The following SERTAD4 variants were observed in gnomAD, a reference collection of about 807,000 sequenced individuals.
SERTAD4 encodes the protein SERTA domain-containing protein 4.
SERTAD4 carries 18 observed loss-of-function variants against 32.9 expected under a neutral mutation model. That is an observed-to-expected ratio of 0.55 (90% confidence interval 0.38 to 0.81). The LOEUF (loss-of-function observed/expected upper bound fraction) is 0.81. Among genes scored for constraint, SERTAD4 ranks in the 30% least tolerant of loss-of-function variants. The probability of loss-of-function intolerance (pLI) is 0.00; values close to 1 mark genes in which losing one functional copy is unlikely to be tolerated. For missense variants in SERTAD4, 383 were observed against 426.0 expected (o/e 0.90, Z 0.89); for synonymous variants, 150 against 156.4 (o/e 0.96, Z 0.30).
intron 1 of SERTAD4, among the ~76,000 whole-genome samples, chr1:210,234,358 C>G (rs1337910015): frequency 6.6e-6 from 1 of 152,226 alleles, no homozygotes; most frequent in African/African-American, 2.4e-5. Flanking sequence ...GCTCTTTAGG[C>G]CCAGCACCTG....
At chr1:210,236,984 A>C (rs77997573) in intron 1 of SERTAD4, among the ~76,000 whole-genome samples, 4,799 of 152,272 alleles carry the variant, frequency 0.032, 276 homozygotes, top group African/African-American at 0.11. Context: ...TGAGCTATCG[A>C]GGGGCCCAGG....
Position 210,236,338 on chromosome 1 carries a change from C to T in SERTAD4, c.-17-1606C>T, listed in dbSNP as rs974513278. On this transcript the variant is annotated intron_variant, in intron 1 of 3. Transcript: ENST00000367012. ...AGAACGGGGAGGTGTTGTAGCAGCC[C>T]AAACCAGCTGAGTCCTAATTCTCTC... Among the ~76,000 whole-genome samples, 3 of 152,168 alleles carry T rather than the reference C, an allele frequency of 2.0e-5. No individual in the cohort carries two copies. In the South Asian group the frequency reaches 6.2e-4, roughly 31 times the overall value.
chr1:210,233,614 G>C, intron 1 of SERTAD4: 1 of 455,448 alleles, frequency 2.2e-6, no homozygotes, highest in Non-Finnish European at 4.5e-6. Context: ...GGCGGCGGCG[G>C]CTCCTCTGTC....
At chr1:210,233,904 C>T (rs774169773) in intron 1 of SERTAD4, 2 of 444,572 alleles carry the variant, frequency 4.5e-6, no homozygotes, top group African/African-American at 2.1e-5. Context: ...GGGCCAGCCC[C>T]GCCAGAGCCC....
chr1:210,236,479 G>GC (rs2083941437), intron 1 of SERTAD4, among the ~76,000 whole-genome samples: 5 of 152,184 alleles, frequency 3.3e-5, no homozygotes, highest in African/African-American at 1.2e-4. Flanking sequence ...AGTCATTGCT[G>GC]CCAAGAGCTG....
downstream of SERTAD4, chr1:210,246,523 A>G: frequency 2.1e-6 from 2 of 956,528 alleles, no homozygotes; most frequent in Non-Finnish European, 2.5e-6. Context: ...TTAATAAAAC[A>G]TGCTGTTTAA....
In SERTAD4 at chr1:210,239,606, A is replaced by G. The variant is rs375798387; in HGVS notation, c.289A>G (p.Lys97Glu). 3 of 1,554,126 alleles carry G rather than the reference A, an allele frequency of 1.9e-6. No homozygotes were observed. Among genetic ancestry groups the G allele is most frequent in the East Asian group, 2.3e-5 (1 of 44,296 alleles). ...FHPPLSSCSH[K>E]TISIFEERAH... ...CCCACCACTCAGCAGCTGTAGCCAT[A>G]AAGTATGTTTTTTTAATAGTCATTA... Residue 97 changes from lysine to glutamate, a missense_variant and splice_region_variant, in exon 3 of 4, where the codon AAA (lysine) becomes GAA (glutamate). By Grantham distance (56) the Lys-to-Glu change is moderately conservative. Transcript: ENST00000367012.
chr1:210,239,927 A>G (rs762580636), intron 3 of SERTAD4, among the ~76,000 whole-genome samples: 7 of 152,164 alleles, frequency 4.6e-5, no homozygotes, highest in Non-Finnish European at 7.4e-5. Context: ...TGTGTGGGGA[A>G]TGCGCTCGTT....
In SERTAD4 at chr1:210,244,545, G is replaced by A. The variant is rs1024157900; in HGVS notation, c.*2208G>A. On this transcript the variant is annotated 3_prime_UTR_variant, in exon 4 of 4. Coordinates refer to ENST00000367012, the MANE Select transcript of SERTAD4 (RefSeq NM_019605.5). ...CAATTCCATATTAATGTTCTTAGGA[G>A]CTAATATTTGATAAAGGGGAAAGCT... is the stretch of plus-strand genomic sequence containing the variant. 6.6e-6 allele frequency: 1 copy of A among 152,140 alleles called. No homozygotes were observed. The highest frequency in any genetic ancestry group is 1.5e-5 in the Non-Finnish European group (1 of 68,034). The allele number at this position is 152,140 out of a possible 1,614,324, so 9.4% of individuals were successfully genotyped here.
At position 210,242,433 on chromosome 1, in the gene SERTAD4, T is replaced by C; in HGVS notation, c.*96T>C. On this transcript the variant is annotated 3_prime_UTR_variant, in exon 4 of 4. Transcript: ENST00000367012. This position sits in a 1 kb window ranked among gnomAD's most constrained non-coding sequence, Gnocchi z 4.0. ...GGATTTTGTAGTTTTGTACAACAGA[T>C]AAAATTATGCCATGAACATGCCATG... The C allele has an allele frequency of 6.7e-7, 1 of 1,482,908 alleles. No homozygotes were observed. Among genetic ancestry groups the C allele is most frequent in the Admixed American group, 2.6e-5 (1 of 38,712 alleles). 91.9% of individuals were successfully genotyped at this position (1,482,908 alleles called of 1,614,324 possible).
intron 3 of SERTAD4, among the ~76,000 whole-genome samples, chr1:210,240,438 G>A (rs887836532): frequency 6.6e-6 from 1 of 152,162 alleles, no homozygotes; most frequent in African/African-American, 2.4e-5. Flanking sequence ...CCTTGCTCAT[G>A]AAAAGACAGC....
Position 210,239,622 on chromosome 1 carries a change from A to G in SERTAD4, c.291+14A>G, listed in dbSNP as rs1214752877. On this transcript the variant is annotated intron_variant, in intron 3 of 3. Transcript: ENST00000367012. ...TGTAGCCATAAAGTATGTTTTTTTA[A>G]TAGTCATTATTTTTATTAAGAGTTT... is the stretch of plus-strand genomic sequence containing the variant. 1 of 1,402,378 alleles carries G rather than the reference A, an allele frequency of 7.1e-7. No individual in the cohort carries two copies. The highest frequency in any genetic ancestry group is 1.0e-6 in the Non-Finnish European group (1 of 998,368). The allele number at this position is 1,402,378 out of a possible 1,614,324, so 86.9% of individuals were successfully genotyped here. A position where few individuals can be genotyped will look rare whatever the true frequency, so the allele number is the denominator to read the frequency against.
At chr1:210,235,046 C>CT (rs945207726) in intron 1 of SERTAD4, among the ~76,000 whole-genome samples, 82 of 149,636 alleles carry the variant, frequency 5.5e-4, no homozygotes, top group African/African-American at 1.6e-3. Context: ...AGGGTTAGGG[C>CT]TTTTTTTTTT....
Position 210,239,615 on chromosome 1 carries a change from T to C in SERTAD4, c.291+7T>C. On this transcript the variant is annotated splice_region_variant and intron_variant, in intron 3 of 3. Transcript: ENST00000367012. ...CAGCAGCTGTAGCCATAAAGTATGTTTTTTTAATAGTCATTATTTTTATTA... is the reference window on the plus strand; with the variant it reads ...CAGCAGCTGTAGCCATAAAGTATGTCTTTTTAATAGTCATTATTTTTATTA... 6.8e-7 allele frequency: 1 copy of C among 1,460,464 alleles called. No homozygotes were observed. Among genetic ancestry groups the C allele is most frequent in the Non-Finnish European group, 9.5e-7 (1 of 1,049,002 alleles). 90.5% of individuals were successfully genotyped at this position (1,460,464 alleles called of 1,614,324 possible).
Position 210,241,543 on chromosome 1 carries a change from T to TC in SERTAD4, c.292-15_292-14insC, listed in dbSNP as rs2083994825. 2 of 1,489,292 alleles carry TC rather than the reference T, an allele frequency of 1.3e-6. No individual in the cohort carries two copies. Among genetic ancestry groups the TC allele is most frequent in the African/African-American group, 2.8e-5 (2 of 70,674 alleles). 92.3% of individuals were successfully genotyped at this position (1,489,292 alleles called of 1,614,324 possible). ...TTCTGTTTGTTTTTTTCTTTTTTTT[T>TC]TTTTTGGTTTGTAGACCATCTCAAT... is the stretch of plus-strand genomic sequence containing the variant. On this transcript the variant is annotated splice_polypyrimidine_tract_variant and intron_variant, in intron 3 of 3. Coordinates refer to ENST00000367012, the MANE Select transcript of SERTAD4 (RefSeq NM_019605.5).
rs915283671 is a variant in SERTAD4 at position 210,242,788 on chromosome 1, G to T, written c.*451G>T. On this transcript the variant is annotated 3_prime_UTR_variant, in exon 4 of 4. Transcript: ENST00000367012. The surrounding 1 kb of genome is among the most constrained non-coding windows in gnomAD (Gnocchi z 4.0). ...GATACAATATTTTTTTTAAATAAAAGACTAAAGACAGGGAGCTAGATGAAA... is the reference window on the plus strand; with the variant it reads ...GATACAATATTTTTTTTAAATAAAATACTAAAGACAGGGAGCTAGATGAAA... 4.0e-6 allele frequency: 4 copies of T among 987,982 alleles called. No individual in the cohort carries two copies. Among genetic ancestry groups the T allele is most frequent in the Middle Eastern group, 5.2e-4 (1 of 1,938 alleles). 61.2% of individuals were successfully genotyped at this position (987,982 alleles called of 1,614,324 possible).
rs1000040339 is a variant in SERTAD4, at chr1:210,245,835, C to T, written c.*3498C>T. On this transcript the variant is annotated 3_prime_UTR_variant, in exon 4 of 4. Transcript: ENST00000367012. ...GAGGACAACTTGTAGAAGACATGACCATTAAGAGACATCAACTTCGCAACA... is the reference window on the plus strand; with the variant it reads ...GAGGACAACTTGTAGAAGACATGACTATTAAGAGACATCAACTTCGCAACA... 6.1e-6 allele frequency: 6 copies of T among 985,252 alleles called. No homozygotes were observed. Among genetic ancestry groups the T allele is most frequent in the Middle Eastern group, 5.2e-4 (1 of 1,914 alleles). The allele number at this position is 985,252 out of a possible 1,614,324, so 61.0% of individuals were successfully genotyped here.
chr1:210,234,619 A>T (rs2083923611), intron 1 of SERTAD4, among the ~76,000 whole-genome samples: 1 of 152,220 alleles, frequency 6.6e-6, no homozygotes, highest in Admixed American at 6.5e-5. Flanking sequence ...TAAAACTGGC[A>T]GCATCGATCG....
chr1:210,239,604 A>G lies in SERTAD4; in HGVS notation c.287A>G (p.His96Arg). Reference protein sequence around the residue: ...DFHPPLSSCSHKTISIFEERA... With the variant: ...DFHPPLSSCSRKTISIFEERA... The stretch of plus-strand genomic sequence containing the variant: ...CACCCACCACTCAGCAGCTGTAGCC[A>G]TAAAGTATGTTTTTTTAATAGTCAT... The change falls in exon 3 of 4, where the codon CAT becomes CGT. Residue 96 changes from histidine to arginine, a missense_variant. His to Arg is a conservative substitution (Grantham distance 29). Coordinates refer to ENST00000367012, the MANE Select transcript of SERTAD4 (RefSeq NM_019605.5). The G allele has an allele frequency of 6.4e-7, 1 of 1,559,582 alleles. No homozygotes were observed. Among genetic ancestry groups the G allele is most frequent in the South Asian group, 1.1e-5 (1 of 87,216 alleles).
Sources: gnomAD v4.1 joint callset for allele counts (sites outside exome capture counted in the v4.1 genomes callset) on GRCh38, gnomAD v4.1.1 for gene constraint, Gnocchi (gnomAD v3.1) non-coding constraint, MANE v1.5 for transcripts, NCBI Gene and HGNC (gene_info 2026-07-23, HGNC 2026-07-21) for gene names.